ITGA8: variants seen among roughly 807,000 people sequenced by gnomAD.
ITGA8 encodes integrin alpha-8.
In ITGA8, 91 loss-of-function variants were observed where a neutral mutation model predicts 142.3. That is an observed-to-expected ratio of 0.64 (90% CI 0.54 to 0.76). The LOEUF (loss-of-function observed/expected upper bound fraction) is 0.76, where lower values mean the gene tolerates loss of function less well. ITGA8 is among the 30% of genes least tolerant of loss of function. ITGA8 has a pLI of 0.00. For missense variants in ITGA8, 1,406 were observed against 1,327.7 expected, an observed-to-expected ratio of 1.06 and a Z score of -0.92; for synonymous variants, 505 against 485.2, an observed-to-expected ratio of 1.04 and a Z score of -0.54.
At chr10:15,575,308 T>C (rs1479355357) in intron 24 of ITGA8, among the ~76,000 whole-genome samples, 181 bp downstream of exon 24, 1 of 152,146 alleles carries the variant, frequency 6.6e-6, no homozygotes, top group Non-Finnish European at 1.5e-5. Context: ...GAGGATTGTT[T>C]GAGCCCAGAA....
chr10:15,660,506 T>C (rs1051286095), intron 9 of ITGA8, among the ~76,000 whole-genome samples: 2 of 152,240 alleles, frequency 1.3e-5, no homozygotes, highest in East Asian at 3.8e-4. Context: ...TCTTTGCGTA[T>C]ACAGATGGTC....
chr10:15,630,513 G>T (rs1159272836), intron 13 of ITGA8, among the ~76,000 whole-genome samples: 1 of 151,980 alleles, frequency 6.6e-6, no homozygotes, highest in Non-Finnish European at 1.5e-5. Flanking sequence ...GCACACATGT[G>T]TAATTTCCAT....
chr10:15,608,911 G>A (rs913028936), intron 15 of ITGA8, among the ~76,000 whole-genome samples: 2 of 152,058 alleles, frequency 1.3e-5, no homozygotes, highest in African/African-American at 4.8e-5. Flanking sequence ...TGCTACAGTT[G>A]GGGTAAGACT....
At chr10:15,597,329 G>C (rs746685633) in intron 20 of ITGA8, 30 bp from the exon 21 acceptor site, 1 of 1,571,296 alleles carries the variant, frequency 6.4e-7, no homozygotes, top group Admixed American at 1.7e-5. Context: ...GGGGTTTAGG[G>C]GGCAGGATAA....
In ITGA8 at chr10:15,683,351, A is replaced by C. The variant is rs543975274; in HGVS notation, c.568+653T>G. Among the ~76,000 whole-genome samples the C allele has an allele frequency of 2.8e-3, 352 of 127,220 alleles. 2 individuals carry two copies. Among genetic ancestry groups the C allele is most frequent in the African/African-American group, 0.01 (336 of 33,104 alleles). The allele number at this position is 127,220 out of a possible 152,430, so 83.5% of individuals were successfully genotyped here. On this transcript the variant is annotated intron_variant, in intron 4 of 29. Coordinates refer to ENST00000378076, the MANE Select transcript of ITGA8 (RefSeq NM_003638.3). The stretch of plus-strand genomic sequence containing the variant: ...CACCCATCCATCCATCCATTATGCT[A>C]TCCCAAGTCTGGGGTATTCAACAGA...
chr10:15,681,690 A>G (rs1184891138), intron 4 of ITGA8, among the ~76,000 whole-genome samples: 1 of 152,180 alleles, frequency 6.6e-6, no homozygotes, highest in East Asian at 1.9e-4. Context: ...CAGTTGGAAG[A>G]ATAACCTACA....
chr10:15,529,617 C>T (rs898465581), intron 28 of ITGA8, among the ~76,000 whole-genome samples: 1 of 152,162 alleles, frequency 6.6e-6, no homozygotes, highest in Non-Finnish European at 1.5e-5. Flanking sequence ...GGGGAGAAGT[C>T]TTAGCATGTA....
intron 13 of ITGA8, among the ~76,000 whole-genome samples, chr10:15,622,811 C>T (rs1443011871): frequency 6.6e-6 from 1 of 151,990 alleles, no homozygotes; most frequent in East Asian, 1.9e-4. Context: ...AGATTACAAA[C>T]AGCCATTTCA....
Position 15,719,897 on chromosome 10 carries a change from A to G in ITGA8, c.-126T>C. The G allele has an allele frequency of 1.4e-6, 1 of 712,456 alleles. No individual in the cohort carries two copies. Among genetic ancestry groups the G allele is most frequent in the Non-Finnish European group, 2.0e-6 (1 of 508,258 alleles). The allele number at this position is 712,456 out of a possible 1,614,324, so 44.1% of individuals were successfully genotyped here. On this transcript the variant is annotated 5_prime_UTR_variant, in exon 1 of 30. Transcript: ENST00000378076. ...TGTCCCGGGTCGGTGCGCTCGGCGC[A>G]CCCGTGGTGACAGTGCCCGGCGTCT...
chr10:15,601,389 G>A (rs565890471), intron 20 of ITGA8, among the ~76,000 whole-genome samples: 2 of 152,122 alleles, frequency 1.3e-5, no homozygotes, highest in Non-Finnish European at 2.9e-5. Context: ...GAGACAGAAA[G>A]TAGAATGGTG....
chr10:15,551,137 G>A lies in ITGA8; in HGVS notation c.2767-2569C>T, dbSNP rs951431584. ...ACAAGGGTTTTGGGTATGCGAGGAC[G>A]GGCGTGGCTCTCAGACACCCAGATC... On this transcript the variant is annotated intron_variant, in intron 26 of 29. Transcript: ENST00000378076. Among the ~76,000 whole-genome samples, 18 of 152,064 alleles carry A rather than the reference G, an allele frequency of 1.2e-4. 1 individual carries two copies. Among genetic ancestry groups the A allele is most frequent in the Admixed American group, 9.8e-4 (15 of 15,266 alleles).
At chr10:15,555,015 A>G (rs556602903) in intron 26 of ITGA8, among the ~76,000 whole-genome samples, 60 of 152,310 alleles carry the variant, frequency 3.9e-4, no homozygotes, top group African/African-American at 1.3e-3. Flanking sequence ...TTTCTTGAGC[A>G]CTGATTTCCT....
Position 15,575,940 on chromosome 10 carries a change from C to CGTGT in ITGA8, c.2373-350_2373-347dup, listed in dbSNP as rs34463146. ...CATCCATCTATTTCACATGTGAGAA[C>CGTGT]GTGTGTGTGTGTGTGTGTGTGTGAG... On this transcript the variant is annotated intron_variant, in intron 23 of 29. Transcript: ENST00000378076. Among the ~76,000 whole-genome samples, 524 of 148,928 alleles carry CGTGT rather than the reference C, an allele frequency of 3.5e-3. 2 individuals carry two copies. The highest frequency in any genetic ancestry group is 0.012 in the African/African-American group (503 of 40,538).
chr10:15,695,279 C>T (rs576197284), intron 2 of ITGA8, among the ~76,000 whole-genome samples: 31 of 152,212 alleles, frequency 2.0e-4, no homozygotes, highest in Middle Eastern at 3.4e-3. Context: ...TGTACTGAGA[C>T]GAGTTTTTAA....
At chr10:15,608,846 T>G (rs1369546811) in intron 15 of ITGA8, among the ~76,000 whole-genome samples, 1 of 152,106 alleles carries the variant, frequency 6.6e-6, no homozygotes, top group Non-Finnish European at 1.5e-5. Context: ...GCACATGGTA[T>G]GCTTAACTTA....
At chr10:15,672,874 C>T (rs1052408675) in intron 6 of ITGA8, 125 bp from the exon 7 acceptor site, 3 of 1,059,190 alleles carry the variant, frequency 2.8e-6, no homozygotes, top group Non-Finnish European at 3.9e-6. Context: ...AATTTTCCCG[C>T]CTGCCGCTCA....
At chr10:15,592,748 G>C (rs1026854200) in intron 21 of ITGA8, among the ~76,000 whole-genome samples, 1 of 152,062 alleles carries the variant, frequency 6.6e-6, no homozygotes. Flanking sequence ...AGGGTCACAG[G>C]TGCACACCAC....
rs969374560 is a variant in ITGA8 at position 15,516,102 on chromosome 10, A to G, written c.*1056T>C. On this transcript the variant is annotated 3_prime_UTR_variant, in exon 30 of 30. Coordinates refer to ENST00000378076, the MANE Select transcript of ITGA8 (RefSeq NM_003638.3). ...GTATTTAATCCCAAGCTAAATATCT[A>G]TAAGAAGTGTTGCTTCTTATAGATA... The G allele has an allele frequency of 1.3e-5, 2 of 152,214 alleles. No homozygotes were observed. Among genetic ancestry groups the G allele is most frequent in the Non-Finnish European group, 2.9e-5 (2 of 68,028 alleles). 9.4% of individuals were successfully genotyped at this position (152,214 alleles called of 1,614,324 possible). A position where few individuals can be genotyped will look rare whatever the true frequency, so the allele number is the denominator to read the frequency against.
chr10:15,542,201 G>A (rs1833582384), intron 27 of ITGA8, among the ~76,000 whole-genome samples: 1 of 152,148 alleles, frequency 6.6e-6, no homozygotes, highest in Admixed American at 6.5e-5. Flanking sequence ...TTGATTGTAT[G>A]ATCGAATCTT....
Sources: allele counts gnomAD v4.1 joint callset (sites outside exome capture counted in the v4.1 genomes callset), GRCh38; gene constraint gnomAD v4.1.1; transcripts MANE v1.5; gene names NCBI Gene and HGNC (gene_info 2026-07-23, HGNC 2026-07-21).